The following COG5 variants were observed in gnomAD, a reference collection of about 807,000 sequenced individuals.
COG5 encodes the protein component of oligomeric golgi complex 5, also known as conserved oligomeric Golgi complex subunit 5.
Under a neutral mutation model 110.4 loss-of-function variants are expected in COG5, and 86 were observed. The observed-to-expected ratio is 0.78, with a 90% CI of 0.65 to 0.93. The LOEUF (loss-of-function observed/expected upper bound fraction) is 0.93. Ranked by LOEUF, COG5 falls within the 40% of genes least tolerant of loss-of-function variation. The pLI is 0.00. For synonymous variants in COG5, 360 were observed against 334.6 expected (o/e 1.08, Z -0.83); for missense variants, 1,077 against 987.0 (o/e 1.09, Z -1.22).
intron 7 of COG5, among the ~76,000 whole-genome samples, chr7:107,399,557 T>A (rs1423976654): frequency 2.0e-5 from 3 of 152,222 alleles, no homozygotes; most frequent in Non-Finnish European, 4.4e-5. Flanking sequence ...CATCCCCTTC[T>A]GCCATGATTA....
chr7:107,468,016 A>G (rs1179383946), intron 6 of COG5, among the ~76,000 whole-genome samples: 2 of 152,228 alleles, frequency 1.3e-5, no homozygotes, highest in African/African-American at 4.8e-5. Context: ...GCACAAAAAT[A>G]TACTTCAACA....
chr7:107,511,550 C>T (rs905342041), intron 6 of COG5, among the ~76,000 whole-genome samples: 2 of 152,206 alleles, frequency 1.3e-5, no homozygotes, highest in Non-Finnish European at 2.9e-5. Flanking sequence ...CTTTATGAGG[C>T]CAGCATCATC....
intron 12 of COG5, among the ~76,000 whole-genome samples, chr7:107,287,916 T>C (rs937254188): frequency 6.6e-6 from 1 of 152,226 alleles, no homozygotes; most frequent in African/African-American, 2.4e-5. Flanking sequence ...CCCATTTGTC[T>C]GTTGACAGAC....
intron 6 of COG5, among the ~76,000 whole-genome samples, chr7:107,521,370 G>A (rs890385552): frequency 2.0e-5 from 3 of 152,158 alleles, no homozygotes; most frequent in Non-Finnish European, 4.4e-5. Flanking sequence ...CTACAGGATG[G>A]AAGAAAAATT....
At chr7:107,321,790 C>G (rs1048084606) in intron 11 of COG5, among the ~76,000 whole-genome samples, 1 of 152,122 alleles carries the variant, frequency 6.6e-6, no homozygotes, top group Non-Finnish European at 1.5e-5. Context: ...AGAGGAAATG[C>G]TTCTGACTTT....
intron 18 of COG5, among the ~76,000 whole-genome samples, chr7:107,232,467 T>G (rs1172722504): frequency 6.6e-6 from 1 of 152,236 alleles, no homozygotes; most frequent in African/African-American, 2.4e-5. Flanking sequence ...TTTTGTCAAT[T>G]TCTCAACTAC....
At chr7:107,450,528 T>A (rs1258804600) in intron 6 of COG5, among the ~76,000 whole-genome samples, 1 of 152,214 alleles carries the variant, frequency 6.6e-6, no homozygotes, top group East Asian at 1.9e-4. Flanking sequence ...GATATATGCC[T>A]GAACAGGTTT....
At chr7:107,270,751 TTTGGTAAAATTAA>T (rs1194455552) in intron 14 of COG5, among the ~76,000 whole-genome samples, 1 of 152,178 alleles carries the variant, frequency 6.6e-6, no homozygotes, top group Non-Finnish European at 1.5e-5. Context: ...AAAGTGGCTG[TTTGGTAAAATTAA>T]TTGTTTACTG....
intron 6 of COG5, among the ~76,000 whole-genome samples, chr7:107,462,601 G>C (rs1429472864): frequency 3.8e-5 from 2 of 52,608 alleles, no homozygotes; most frequent in East Asian, 1.2e-3. Flanking sequence ...ACTAGGAGAA[G>C]AAAAATGCCT....
chr7:107,298,051 A>G (rs957471495), intron 12 of COG5, 91 bp downstream of exon 12: 3 of 560,062 alleles, frequency 5.4e-6, no homozygotes, highest in Admixed American at 4.1e-5. Context: ...GTATATACTT[A>G]ATTTATAATT....
Position 107,283,599 on chromosome 7 carries a change from G to A in COG5, c.1447C>T (p.Leu483Phe), listed in dbSNP as rs931970876. Residue 483 changes from leucine to phenylalanine, a missense_variant, in exon 13 of 22, where the codon CTT (leucine) becomes TTT (phenylalanine). By Grantham distance (22) the Leu-to-Phe change is conservative. Coordinates refer to ENST00000297135, the MANE Select transcript of COG5 (RefSeq NM_006348.5). ...GCTATAGTTTTAATAATACCATCAA[G>A]TTCATCAGAGGAAGGAGGATTACGA... ...GGRNPPSSDE[L>F]DGIIKTIASE... The A allele has an allele frequency of 6.2e-7, 1 of 1,613,936 alleles. No homozygotes were observed. Among genetic ancestry groups the A allele is most frequent in the East Asian group, 2.2e-5 (1 of 44,850 alleles).
intron 19 of COG5, among the ~76,000 whole-genome samples, chr7:107,221,706 A>G (rs1185512842): frequency 2.6e-5 from 4 of 150,982 alleles, no homozygotes; most frequent in African/African-American, 9.8e-5. Flanking sequence ...CAGAGCTTGC[A>G]GTGAGCCGGG....
At chr7:107,292,759 C>T (rs569848930) in intron 12 of COG5, among the ~76,000 whole-genome samples, 4 of 152,260 alleles carry the variant, frequency 2.6e-5, no homozygotes, top group African/African-American at 9.6e-5. Context: ...AGAGTAATCA[C>T]CCCAGCACCT....
intron 10 of COG5, among the ~76,000 whole-genome samples, chr7:107,336,291 A>G (rs1054672977): frequency 6.6e-6 from 1 of 152,242 alleles, no homozygotes; most frequent in African/African-American, 2.4e-5. Flanking sequence ...CACCAAGCAC[A>G]GAAACAGAAA....
At chr7:107,520,315 G>C (rs1451975674) in intron 6 of COG5, among the ~76,000 whole-genome samples, 1 of 152,156 alleles carries the variant, frequency 6.6e-6, no homozygotes, top group East Asian at 1.9e-4. Flanking sequence ...GCAACAGAAA[G>C]AAATAAAGCG....
chr7:107,543,397 C>T (rs1404729428), intron 5 of COG5, among the ~76,000 whole-genome samples: 1 of 152,170 alleles, frequency 6.6e-6, no homozygotes, highest in Non-Finnish European at 1.5e-5. Flanking sequence ...TAGGCCTGCC[C>T]CATTAAAATT....
At chr7:107,511,238 A>G (rs1483881258) in intron 6 of COG5, among the ~76,000 whole-genome samples, 5 of 152,356 alleles carry the variant, frequency 3.3e-5, no homozygotes, top group African/African-American at 1.2e-4. Context: ...ACAGAAATAC[A>G]AACTACCATC....
intron 6 of COG5, among the ~76,000 whole-genome samples, chr7:107,477,567 T>C (rs1289762785): frequency 6.6e-6 from 1 of 151,862 alleles, no homozygotes. Context: ...AAGCAGACAT[T>C]TAACAAGCAT....
At chr7:107,406,545 T>C (rs1020544380) in intron 7 of COG5, among the ~76,000 whole-genome samples, 4 of 152,036 alleles carry the variant, frequency 2.6e-5, no homozygotes, top group African/African-American at 7.2e-5. Context: ...CTGGTAAAAA[T>C]GTGCACAAGA....
Sources: allele counts gnomAD v4.1 joint callset (sites outside exome capture counted in the v4.1 genomes callset), GRCh38; gene constraint gnomAD v4.1.1; transcripts MANE v1.5; gene names NCBI Gene and HGNC (gene_info 2026-07-23, HGNC 2026-07-21).